The following TRPC5 variants were observed in gnomAD, a reference collection of about 807,000 sequenced individuals.
TRPC5 encodes short transient receptor potential channel 5.
TRPC5 carries 9 observed loss-of-function variants against 56.5 expected under a neutral mutation model. The observed-to-expected ratio is 0.16, with a 90% CI of 0.10 to 0.28. The LOEUF is 0.28. TRPC5 is among the 10% of genes least tolerant of loss of function. TRPC5 has a pLI of 1.00. For synonymous variants in TRPC5, 282 were observed against 278.5 expected (o/e 1.01, Z -0.13); for missense variants, 469 against 748.9 (o/e 0.63, Z 4.36).
rs5985668 is a variant in TRPC5, at chrX:111,971,020, C to T, written c.-21-18579G>A. Reference sequence around the variant, plus strand: ...GTCTCGATCTCCTGACCTCGTGATCCGCCCGCCTCGGCCTCCCAAAGTGCT... The same window carrying T: ...GTCTCGATCTCCTGACCTCGTGATCTGCCCGCCTCGGCCTCCCAAAGTGCT... On this transcript the variant is annotated intron_variant, in intron 1 of 10. Transcript: ENST00000262839. 4.1e-3 allele frequency among the ~76,000 whole-genome samples: 459 copies of T among 110,783 alleles called. 2 individuals carry two copies. Among genetic ancestry groups the T allele is most frequent in the African/African-American group, 0.012 (378 of 30,452 alleles).
intron 7 of TRPC5, among the ~76,000 whole-genome samples, chrX:111,786,219 G>A (rs1026698015): frequency 2.7e-5 from 3 of 111,401 alleles, no homozygotes; most frequent in Non-Finnish European, 3.8e-5. Context: ...CGGACCTCTC[G>A]GCAGAAACCC....
At chrX:111,845,724 G>A (rs891320541) in intron 6 of TRPC5, among the ~76,000 whole-genome samples, 3 of 112,297 alleles carry the variant, frequency 2.7e-5, no homozygotes, top group African/African-American at 9.7e-5. Context: ...TGTCTCTAGA[G>A]TAATGCAGGA....
intron 1 of TRPC5, among the ~76,000 whole-genome samples, chrX:111,958,358 T>C (rs184558264): frequency 2.4e-3 from 268 of 112,237 alleles, no homozygotes; most frequent in Non-Finnish European, 3.9e-3. Flanking sequence ...ACTACATTTT[T>C]ATTTGTTCAC....
At chrX:111,815,888 G>A (rs1384059568) in intron 7 of TRPC5, among the ~76,000 whole-genome samples, 2 of 111,291 alleles carry the variant, frequency 1.8e-5, no homozygotes, top group African/African-American at 3.3e-5. Context: ...TGCATCCCTG[G>A]TGATAATGTT....
intron 4 of TRPC5, 53 bp from the exon 5 acceptor site, chrX:111,852,490 C>T (rs1923113132): frequency 4.5e-6 from 5 of 1,100,709 alleles, no homozygotes; most frequent in Admixed American, 2.8e-5. Flanking sequence ...CCCTGCTCAT[C>T]ATAGAAGGAT....
In TRPC5 at chrX:111,773,529, G is replaced by A. The variant is rs1171892375; in HGVS notation, c.*2784C>T. On this transcript the variant is annotated 3_prime_UTR_variant, in exon 11 of 11. Coordinates refer to ENST00000262839, the MANE Select transcript of TRPC5 (RefSeq NM_012471.3). Reference sequence around the variant, plus strand: ...TTAAATATGTAAGTCTGAAGTTTTGGAGTTCACAGCATTTTTGGCAAATGA... The same window carrying A: ...TTAAATATGTAAGTCTGAAGTTTTGAAGTTCACAGCATTTTTGGCAAATGA... 9.0e-6 allele frequency among the ~76,000 whole-genome samples: 1 copy of A among 111,379 alleles called. No individual in the cohort carries two copies. The highest frequency in any genetic ancestry group is 3.3e-5 in the African/African-American group (1 of 30,689).
intron 1 of TRPC5, among the ~76,000 whole-genome samples, chrX:111,969,749 G>C (rs1013886999): frequency 6.3e-5 from 7 of 111,441 alleles, no homozygotes; most frequent in African/African-American, 2.3e-4. Context: ...TTTAGAAAGA[G>C]AGGGAAGAAT....
At chrX:111,819,881 A>G (rs1040317391) in intron 7 of TRPC5, among the ~76,000 whole-genome samples, 1 of 111,820 alleles carries the variant, frequency 8.9e-6, no homozygotes, top group African/African-American at 3.3e-5. Context: ...TGAATGAACA[A>G]ACACACCTGG....
chrX:112,026,494 T>G (rs1025604763), intron 1 of TRPC5, among the ~76,000 whole-genome samples: 1 of 111,938 alleles, frequency 8.9e-6, no homozygotes, highest in African/African-American at 3.2e-5. Context: ...AAAGTAAAAG[T>G]TAAATAAAAC....
chrX:111,914,634 G>A (rs1443211060), intron 2 of TRPC5, among the ~76,000 whole-genome samples: 5 of 112,282 alleles, frequency 4.5e-5, no homozygotes, highest in Non-Finnish European at 9.4e-5. Context: ...GGCTAGGATG[G>A]AGCAGCGAGT....
At chrX:111,936,101 T>A (rs1050065367) in intron 2 of TRPC5, among the ~76,000 whole-genome samples, 3 of 112,225 alleles carry the variant, frequency 2.7e-5, no homozygotes, top group African/African-American at 9.7e-5. Context: ...TGGAGTATAT[T>A]TCCATTTTTT....
chrX:111,861,640 CTT>C (rs745429643), intron 3 of TRPC5, among the ~76,000 whole-genome samples: 133 of 111,228 alleles, frequency 1.2e-3, no homozygotes, highest in Middle Eastern at 4.7e-3. Context: ...AAAATAATGA[CTT>C]ATTTTGTAAT....
intron 2 of TRPC5, among the ~76,000 whole-genome samples, chrX:111,928,498 T>C (rs1318232334): frequency 8.9e-6 from 1 of 112,496 alleles, no homozygotes; most frequent in African/African-American, 3.2e-5. Context: ...TCTCTCTCTC[T>C]GATATTACTT....
At chrX:112,047,709 G>A (rs1013646632) in intron 1 of TRPC5, among the ~76,000 whole-genome samples, 1 of 112,174 alleles carries the variant, frequency 8.9e-6, no homozygotes, top group Non-Finnish European at 1.9e-5. Context: ...ATATCAGCAA[G>A]AGAGTGGGCA....
intron 2 of TRPC5, among the ~76,000 whole-genome samples, chrX:111,936,434 G>A (rs1356055736): frequency 9.2e-6 from 1 of 108,939 alleles, no homozygotes; most frequent in South Asian, 4.1e-4. Context: ...ATGCTGGTGT[G>A]CTGCACCCAT....
At chrX:111,975,830 A>C (rs777411263) in intron 1 of TRPC5, among the ~76,000 whole-genome samples, 1 of 112,117 alleles carries the variant, frequency 8.9e-6, no homozygotes, top group African/African-American at 3.2e-5. Flanking sequence ...AGCAAAGCGG[A>C]GAGGCGGAGC....
At chrX:112,032,346 C>CAA (rs59674570) in intron 1 of TRPC5, among the ~76,000 whole-genome samples, 12,478 of 96,421 alleles carry the variant, frequency 0.13, 957 homozygotes, top group African/African-American at 0.27. Flanking sequence ...GAAGGTTCCT[C>CAA]AAAAAAAAAA....
At chrX:111,814,874 T>C (rs1921812476) in intron 7 of TRPC5, among the ~76,000 whole-genome samples, 1 of 110,862 alleles carries the variant, frequency 9.0e-6, no homozygotes, top group African/African-American at 3.3e-5. Context: ...ACTCAGGTGC[T>C]ACACTTCAGG....
At chrX:111,813,138 C>G (rs1943109164) in intron 7 of TRPC5, among the ~76,000 whole-genome samples, 1 of 112,227 alleles carries the variant, frequency 8.9e-6, no homozygotes, top group South Asian at 3.7e-4. Context: ...CAGATCAGCT[C>G]CTGGCTGGGT....
Sources: allele counts gnomAD v4.1 joint callset (sites outside exome capture counted in the v4.1 genomes callset), GRCh38; gene constraint gnomAD v4.1.1; transcripts MANE v1.5; gene names NCBI Gene and HGNC (gene_info 2026-07-23, HGNC 2026-07-21).